The following CCDC181 variants were observed in gnomAD, a reference collection of about 807,000 sequenced individuals.
The protein encoded by CCDC181 is coiled-coil domain-containing protein 181.
In CCDC181, 35 loss-of-function variants were observed where a neutral mutation model predicts 58.7. The observed-to-expected ratio is 0.60, with a 90% CI of 0.46 to 0.79. The LOEUF (loss-of-function observed/expected upper bound fraction) is 0.79, where lower values mean the gene tolerates loss of function less well. CCDC181 is among the 30% of genes least tolerant of loss of function. CCDC181 has a pLI of 0.00. For missense variants in CCDC181, 517 were observed against 583.9 expected (o/e 0.89, Z 1.18); for synonymous variants, 183 against 197.5 (o/e 0.93, Z 0.62).
chr1:169,414,742 T>C (rs72704010), intron 4 of CCDC181, among the ~76,000 whole-genome samples: 2,660 of 152,292 alleles, frequency 0.017, 41 homozygotes, highest in Non-Finnish European at 0.028. Flanking sequence ...AATCTAAAGA[T>C]ATTTTCTGGA....
chr1:169,419,219 G>C, intron 3 of CCDC181, 60 bp from the exon 4 acceptor site: 1 of 1,435,672 alleles, frequency 7.0e-7, no homozygotes, highest in South Asian at 1.4e-5. Context: ...TGAGTTATCA[G>C]AGTAGAGAGA....
At chr1:169,400,426 CCA>C (rs1279700055) in intron 4 of CCDC181, among the ~76,000 whole-genome samples, 23 of 151,958 alleles carry the variant, frequency 1.5e-4, no homozygotes, top group African/African-American at 5.6e-4. Context: ...TTGAAAAGAT[CCA>C]CAGTCTATTA....
At chr1:169,400,147 C>T (rs1384986615) in intron 4 of CCDC181, among the ~76,000 whole-genome samples, 1 of 152,222 alleles carries the variant, frequency 6.6e-6, no homozygotes, top group East Asian at 1.9e-4. Flanking sequence ...AGTTCCAATC[C>T]AACTATAGTG....
chr1:169,453,615 A>T (rs190362591), intron 2 of CCDC181, among the ~76,000 whole-genome samples: 19 of 152,118 alleles, frequency 1.2e-4, no homozygotes, highest in Non-Finnish European at 2.9e-5. Flanking sequence ...TCATCTTGGA[A>T]ATATTGCCCC....
chr1:169,459,044 A>T (rs994095432), intron 2 of CCDC181, among the ~76,000 whole-genome samples: 1 of 152,094 alleles, frequency 6.6e-6, no homozygotes, highest in Non-Finnish European at 1.5e-5. Flanking sequence ...GCAGTGAGTA[A>T]AAAATAAAAT....
intron 2 of CCDC181, among the ~76,000 whole-genome samples, chr1:169,435,897 A>C (rs564365777): frequency 1.3e-5 from 2 of 152,342 alleles, no homozygotes; most frequent in Admixed American, 1.3e-4. Flanking sequence ...CTTGTGCGAT[A>C]TAACTGAGCA....
Position 169,450,238 on chromosome 1 carries a change from AT to A in CCDC181, c.-24+9558del, listed in dbSNP as rs1657499020. On this transcript the variant is annotated intron_variant, in intron 2 of 6. Transcript: ENST00000545005. The stretch of plus-strand genomic sequence containing the variant: ...ACAGAGGATAAGGCCGTGATAATGT[AT>A]TTTTCCCTGGAGAGTAGGCCTTTGT... 2.0e-5 allele frequency among the ~76,000 whole-genome samples: 3 copies of A among 152,218 alleles called. No individual in the cohort carries two copies. The South Asian group carries it at 6.2e-4, about 32-fold the overall frequency.
intron 3 of CCDC181, among the ~76,000 whole-genome samples, chr1:169,420,642 G>T (rs1656414024): frequency 1.3e-5 from 2 of 151,998 alleles, no homozygotes; most frequent in Non-Finnish European, 2.9e-5. Context: ...GCTGAGCTTT[G>T]TATTTAGAAT....
At chr1:169,429,889 T>A (rs1656864047), upstream of CCDC181, among the ~76,000 whole-genome samples, 1 of 152,246 alleles carries the variant, frequency 6.6e-6, no homozygotes, top group African/African-American at 2.4e-5. Context: ...AACGCCAATG[T>A]CTAGAAGGGT....
intron 2 of CCDC181, among the ~76,000 whole-genome samples, chr1:169,447,816 T>C (rs1267387752): frequency 6.6e-6 from 1 of 152,206 alleles, no homozygotes; most frequent in Non-Finnish European, 1.5e-5. Flanking sequence ...ATATAGCTAC[T>C]TCATCTTTCT....
upstream of CCDC181, among the ~76,000 whole-genome samples, chr1:169,429,877 C>T (rs561743472): frequency 6.6e-6 from 1 of 152,254 alleles, no homozygotes; most frequent in East Asian, 1.9e-4. Flanking sequence ...GAAGTCTTTG[C>T]CAACGCCAAT....
chr1:169,401,393 C>T (rs574326316), intron 4 of CCDC181, among the ~76,000 whole-genome samples: 25 of 152,342 alleles, frequency 1.6e-4, no homozygotes, highest in Admixed American at 1.4e-3. Flanking sequence ...CTGGGAGACA[C>T]CTCCCAGTAG....
At chr1:169,429,318 G>A (rs776237031), upstream of CCDC181, among the ~76,000 whole-genome samples, 4 of 152,238 alleles carry the variant, frequency 2.6e-5, no homozygotes, top group Middle Eastern at 6.8e-3. Context: ...GTAGATACAC[G>A]GTAGTGGGAT....
chr1:169,423,192 T>A (rs962377161), intron 2 of CCDC181, among the ~76,000 whole-genome samples: 3 of 151,786 alleles, frequency 2.0e-5, no homozygotes, highest in South Asian at 2.1e-4. Flanking sequence ...TCATAGGTCA[T>A]CCTGTGTGAT....
At chr1:169,432,708 C>T (rs531794832) in intron 2 of CCDC181, among the ~76,000 whole-genome samples, 6 of 152,104 alleles carry the variant, frequency 3.9e-5, no homozygotes, top group South Asian at 2.1e-4. Flanking sequence ...ATACAAAAAT[C>T]GATGCAGTAT....
chr1:169,398,861 A>G (rs1292496260), intron 4 of CCDC181, among the ~76,000 whole-genome samples: 1 of 152,240 alleles, frequency 6.6e-6, no homozygotes, highest in African/African-American at 2.4e-5. Context: ...AAGGAGGGTA[A>G]TAAACACAGC....
At chr1:169,440,931 T>TAAAAAAAAA (rs72040890) in intron 2 of CCDC181, among the ~76,000 whole-genome samples, 4 of 76,900 alleles carry the variant, frequency 5.2e-5, no homozygotes, top group Non-Finnish European at 8.2e-5. Context: ...CAAGACTGTC[T>TAAAAAAAAA]AAAAAAAAAA....
At chr1:169,400,992 G>A (rs1655311189) in intron 4 of CCDC181, among the ~76,000 whole-genome samples, 1 of 152,216 alleles carries the variant, frequency 6.6e-6, no homozygotes, top group African/African-American at 2.4e-5. Flanking sequence ...CGGCACATCA[G>A]AAGATTATAT....
rs572784708 is a variant in CCDC181 at position 169,402,146 on chromosome 1, T to C, written c.1216-4755A>G. Among the ~76,000 whole-genome samples, 298 of 152,244 alleles carry C rather than the reference T, an allele frequency of 2.0e-3. 4 individuals are homozygous for C. The highest frequency in any genetic ancestry group is 7.0e-3 in the African/African-American group (289 of 41,542). ...AAATGAACAAAGCCTCCAAGAAATATGGGACTATGTGAAAAGACCAAATCT... is the reference window on the plus strand; with the variant it reads ...AAATGAACAAAGCCTCCAAGAAATACGGGACTATGTGAAAAGACCAAATCT... On this transcript the variant is annotated intron_variant, in intron 4 of 5. Transcript: ENST00000367806.
Sources: gnomAD v4.1 joint callset for allele counts (sites outside exome capture counted in the v4.1 genomes callset) on GRCh38, gnomAD v4.1.1 for gene constraint, MANE v1.5 for transcripts, NCBI Gene and HGNC (gene_info 2026-07-23, HGNC 2026-07-21) for gene names.